The following PDIA5 variants were observed in gnomAD, a reference collection of about 807,000 sequenced individuals.
PDIA5 encodes protein disulfide isomerase family A member 5.
PDIA5 carries 58 observed loss-of-function variants against 77.6 expected under a neutral mutation model. That is an observed-to-expected ratio of 0.75 (90% confidence interval 0.61 to 0.93). PDIA5 has a LOEUF of 0.93. Among genes scored for constraint, PDIA5 ranks in the 40% least tolerant of loss-of-function variants. The pLI, the probability that PDIA5 is intolerant of heterozygous loss-of-function variation, is 0.00. For synonymous variants in PDIA5, 250 were observed against 252.1 expected, an observed-to-expected ratio of 0.99 and a Z score of 0.08; for missense variants, 630 against 647.7, an observed-to-expected ratio of 0.97 and a Z score of 0.30.
intron 7 of PDIA5, among the ~76,000 whole-genome samples, chr3:123,112,656 C>G (rs1028047047): frequency 5.6e-5 from 8 of 143,426 alleles, no homozygotes; most frequent in African/African-American, 2.1e-4. Context: ...TCAAATGGTT[C>G]AAATGATTCT....
chr3:123,117,398 A>ATATATATT (rs1935022851), intron 8 of PDIA5, among the ~76,000 whole-genome samples: 2 of 136,378 alleles, frequency 1.5e-5, no homozygotes, highest in South Asian at 2.4e-4. Flanking sequence ...ATATATATAT[A>ATATATATT]TTCTGTTTTA....
chr3:123,154,822 G>A (rs1935983488), intron 14 of PDIA5, 149 bp from the exon 15 acceptor site: 2 of 666,654 alleles, frequency 3.0e-6, no homozygotes, highest in East Asian at 2.5e-5. Flanking sequence ...GGTTAGAGTG[G>A]CAAGGTTGAC....
At chr3:123,070,133 C>T (rs1269820302) in intron 1 of PDIA5, among the ~76,000 whole-genome samples, 5 of 151,274 alleles carry the variant, frequency 3.3e-5, no homozygotes, top group African/African-American at 1.2e-4. Flanking sequence ...ATATTCAGTC[C>T]ATTGCAATGT....
rs541116294 is a variant in PDIA5, at chr3:123,140,742, G to A, written c.911-4780G>A. 9.2e-5 allele frequency among the ~76,000 whole-genome samples: 14 copies of A among 152,336 alleles called. No homozygotes were observed. In the South Asian group the frequency reaches 1.0e-3, roughly 11 times the overall value. Reference sequence around the variant, plus strand: ...GTCATGTGTCTGGTGGGGCTGCTGCGATAGAGTGTGGAAGCCCAGCACAGA... The same window carrying A: ...GTCATGTGTCTGGTGGGGCTGCTGCAATAGAGTGTGGAAGCCCAGCACAGA... On this transcript the variant is annotated intron_variant, in intron 11 of 16. Coordinates refer to ENST00000316218, the MANE Select transcript of PDIA5 (RefSeq NM_006810.4).
intron 10 of PDIA5, among the ~76,000 whole-genome samples, chr3:123,127,041 T>C (rs1935257655): frequency 6.6e-6 from 1 of 152,236 alleles, no homozygotes; most frequent in African/African-American, 2.4e-5. Flanking sequence ...GTGATCCATT[T>C]TGGGCAGGGT....
intron 7 of PDIA5, among the ~76,000 whole-genome samples, chr3:123,113,094 C>A (rs1934904031): frequency 6.6e-6 from 1 of 152,204 alleles, no homozygotes; most frequent in Non-Finnish European, 1.5e-5. Context: ...TTACTAACTA[C>A]CCAGCTGTGA....
Position 123,124,321 on chromosome 3 carries a change from G to C in PDIA5, c.751G>C (p.Asp251His). Reference protein sequence around the residue: ...QYDNYGSTAEDIVEWLKNPQP... With the variant: ...QYDNYGSTAEHIVEWLKNPQP... ...TGACAACTATGGGTCCACAGCTGAG[G>C]ACATTGTGGAGTGGCTGAAGAAGTA... Residue 251 changes from aspartate (D) to histidine (H), a missense_variant, in exon 10 of 17, where the codon GAC (aspartate) becomes CAC (histidine). Asp to His is a moderately conservative substitution (Grantham distance 81). Coordinates refer to ENST00000316218, the MANE Select transcript of PDIA5 (RefSeq NM_006810.4). The C allele has an allele frequency of 5.6e-6, 9 of 1,613,678 alleles. No homozygotes were observed. The highest frequency in any genetic ancestry group is 7.6e-6 in the Non-Finnish European group (9 of 1,179,562).
In PDIA5 at chr3:123,102,806, C is replaced by T. The variant is rs1399887719; in HGVS notation, c.387+10C>T. ...AGCTGTGACATTTAAGGTAAATTTA[C>T]CTCCCTTGTTCTCAGCAATGGTGGA... On this transcript the variant is annotated intron_variant, in intron 5 of 16. Coordinates refer to ENST00000316218, the MANE Select transcript of PDIA5 (RefSeq NM_006810.4). 19 of 1,589,710 alleles carry T rather than the reference C, an allele frequency of 1.2e-5. No individual in the cohort carries two copies. Among genetic ancestry groups the T allele is most frequent in the Non-Finnish European group, 1.6e-5 (18 of 1,157,530 alleles).
rs191936043 is a variant in PDIA5, at chr3:123,083,369, G to A, written c.43-5799G>A. Among the ~76,000 whole-genome samples the A allele has an allele frequency of 7.9e-5, 12 of 152,262 alleles. No individual in the cohort carries two copies. The East Asian group carries it at 1.4e-3, about 17-fold the overall frequency. On this transcript the variant is annotated intron_variant, in intron 1 of 16. Coordinates refer to ENST00000316218, the MANE Select transcript of PDIA5 (RefSeq NM_006810.4). ...AGAAAAGGGGAAAGCCATTTTTCCC[G>A]GCAGTTTTCTGCCCTGCACCAGGGA... is the stretch of plus-strand genomic sequence containing the variant.
intron 11 of PDIA5, among the ~76,000 whole-genome samples, chr3:123,133,413 A>G (rs1935416670): frequency 6.6e-6 from 1 of 152,254 alleles, no homozygotes; most frequent in Non-Finnish European, 1.5e-5. Context: ...CCATCAACAT[A>G]GCAGACCACA....
chr3:123,092,376 T>C lies in PDIA5; in HGVS notation c.191T>C (p.Leu64Pro), dbSNP rs751951782. 2 of 1,613,542 alleles carry C rather than the reference T, an allele frequency of 1.2e-6. No homozygotes were observed. The highest frequency in any genetic ancestry group is 8.5e-7 in the Non-Finnish European group (1 of 1,179,634). The change falls in exon 3 of 17, where the codon CTC (leucine) becomes CCC (proline). Residue 64 changes from leucine (L) to proline (P), a missense_variant. Leu to Pro is a moderately conservative substitution (Grantham distance 98). Coordinates refer to ENST00000316218, the MANE Select transcript of PDIA5 (RefSeq NM_006810.4). ...SKSEVAAENH[L>P]RLLSTVAQAV... ...ACAGAGGTGGCAGCTGAAAATCATC[T>C]CAGGTTACTGTCCACAGTGGCCCAG...
chr3:123,074,642 A>T (rs772597464), intron 1 of PDIA5, among the ~76,000 whole-genome samples: 4 of 152,226 alleles, frequency 2.6e-5, no homozygotes, highest in Admixed American at 1.3e-4. Context: ...TAATGTGATA[A>T]GAAAATATGA....
intron 3 of PDIA5, among the ~76,000 whole-genome samples, chr3:123,095,189 A>G (rs959140486): frequency 6.6e-6 from 1 of 152,206 alleles, no homozygotes; most frequent in Non-Finnish European, 1.5e-5. Context: ...CCTTCTTTCC[A>G]GGTCTGTGAT....
chr3:123,076,537 T>C (rs1302966303), intron 1 of PDIA5, among the ~76,000 whole-genome samples: 5 of 152,240 alleles, frequency 3.3e-5, no homozygotes, highest in African/African-American at 1.2e-4. Flanking sequence ...ACTAGACTCC[T>C]GGGTTGAGAC....
At chr3:123,151,038 A>C (rs1217390663) in intron 14 of PDIA5, among the ~76,000 whole-genome samples, 1 of 152,242 alleles carries the variant, frequency 6.6e-6, no homozygotes. Context: ...TAAAAGCTGC[A>C]GTCTACAGAG....
chr3:123,148,856 G>A (rs1035805131), intron 13 of PDIA5, among the ~76,000 whole-genome samples: 5 of 152,336 alleles, frequency 3.3e-5, no homozygotes, highest in African/African-American at 9.6e-5. Flanking sequence ...CCGATGGCTC[G>A]GGGGTGGAGA....
chr3:123,067,215 G>C lies in PDIA5; in HGVS notation c.42+9G>C. The C allele has an allele frequency of 2.4e-6, 3 of 1,245,942 alleles. No homozygotes were observed. The highest frequency in any genetic ancestry group is 3.0e-6 in the Non-Finnish European group (3 of 989,170). 77.2% of individuals were successfully genotyped at this position (1,245,942 alleles called of 1,614,324 possible). A position where few individuals can be genotyped will look rare whatever the true frequency, so the allele number is the denominator to read the frequency against. ...TGCTGCTGGCAATCTGGGTGAGACT[G>C]TGGGGCAGGGATCCGGGCCGGGCCA... On this transcript the variant is annotated intron_variant, in intron 1 of 16. Coordinates refer to ENST00000316218, the MANE Select transcript of PDIA5 (RefSeq NM_006810.4).
chr3:123,128,004 G>A (rs1935283075), intron 10 of PDIA5, among the ~76,000 whole-genome samples: 1 of 152,158 alleles, frequency 6.6e-6, no homozygotes, highest in Non-Finnish European at 1.5e-5. Flanking sequence ...AGTGTTTTGG[G>A]TTCAGACTCT....
chr3:123,149,961 G>T (rs984110084), intron 13 of PDIA5, among the ~76,000 whole-genome samples: 2 of 152,122 alleles, frequency 1.3e-5, no homozygotes, highest in African/African-American at 2.4e-5. Flanking sequence ...CCCACAACTG[G>T]GGGGGCTGCC....
Sources: allele counts gnomAD v4.1 joint callset (sites outside exome capture counted in the v4.1 genomes callset), GRCh38; gene constraint gnomAD v4.1.1; transcripts MANE v1.5; gene names NCBI Gene and HGNC (gene_info 2026-07-23, HGNC 2026-07-21).